Variants in NLGN1 observed in about 807,000 individuals in gnomAD.
The protein encoded by NLGN1 is neuroligin 1.
A neutral mutation model predicts 65.5 loss-of-function variants in NLGN1; 12 were observed. That is an observed-to-expected ratio of 0.18 (90% CI 0.12 to 0.30). The LOEUF (loss-of-function observed/expected upper bound fraction) is 0.30, where lower values mean the gene tolerates loss of function less well. Ranked by LOEUF, NLGN1 falls within the 10% of genes least tolerant of loss-of-function variation. The pLI is 1.00. For missense variants in NLGN1, 750 were observed against 1,007.1 expected (o/e 0.74, Z 3.46); for synonymous variants, 350 against 359.5 (o/e 0.97, Z 0.30).
chr3:173,544,655 A>G (rs979556764), intron 2 of NLGN1, among the ~76,000 whole-genome samples: 1 of 152,206 alleles, frequency 6.6e-6, no homozygotes, highest in Admixed American at 6.5e-5. Context: ...AAAGACCATT[A>G]TAAGAAAGAC....
intron 4 of NLGN1, among the ~76,000 whole-genome samples, chr3:173,882,518 G>A (rs1269369535): frequency 6.6e-6 from 1 of 152,190 alleles, no homozygotes; most frequent in African/African-American, 2.4e-5. Flanking sequence ...TACAGCATCT[G>A]CACCAGCATT....
chr3:173,610,616 A>G (rs113122243), intron 3 of NLGN1, among the ~76,000 whole-genome samples: 39 of 152,130 alleles, frequency 2.6e-4, no homozygotes, highest in African/African-American at 1.2e-4. Flanking sequence ...AAGGACAGCA[A>G]TGGAAACTGA....
chr3:174,270,125 CTTTTT>C (rs10547985), intron 4 of NLGN1, among the ~76,000 whole-genome samples: 5 of 120,082 alleles, frequency 4.2e-5, no homozygotes, highest in Non-Finnish European at 7.0e-5. Flanking sequence ...GGTTTCCTTT[CTTTTT>C]TTTTTTTTTT....
At chr3:173,527,501 C>A (rs531526) in intron 2 of NLGN1, among the ~76,000 whole-genome samples, 15,403 of 152,110 alleles carry the variant, frequency 0.1, 942 homozygotes, top group Admixed American at 0.17. Flanking sequence ...GGGTTCACAC[C>A]ATTCTCCTGC....
At chr3:174,054,684 A>G (rs1580027329) in intron 4 of NLGN1, among the ~76,000 whole-genome samples, 1 of 152,066 alleles carries the variant, frequency 6.6e-6, no homozygotes, top group African/African-American at 2.4e-5. Flanking sequence ...CTCATTTCAC[A>G]TGACAATACA....
At chr3:173,672,611 A>T (rs933688300) in intron 3 of NLGN1, among the ~76,000 whole-genome samples, 1 of 152,216 alleles carries the variant, frequency 6.6e-6, no homozygotes, top group African/African-American at 2.4e-5. Flanking sequence ...TGGGAGAGCC[A>T]TGTAGATTGC....
chr3:173,598,204 T>C (rs1316176146), intron 2 of NLGN1, among the ~76,000 whole-genome samples: 2 of 152,130 alleles, frequency 1.3e-5, no homozygotes, highest in Admixed American at 6.6e-5. Flanking sequence ...TCACTGCACA[T>C]TGAAAATGAA....
chr3:174,248,398 A>G (rs1744174517), intron 4 of NLGN1, among the ~76,000 whole-genome samples: 1 of 152,238 alleles, frequency 6.6e-6, no homozygotes, highest in Non-Finnish European at 1.5e-5. Context: ...CCAATTCAGC[A>G]TTTATTGAGC....
At chr3:173,544,201 A>G (rs1739365359) in intron 2 of NLGN1, among the ~76,000 whole-genome samples, 1 of 152,068 alleles carries the variant, frequency 6.6e-6, no homozygotes, top group African/African-American at 2.4e-5. Flanking sequence ...CAAAAAGAAA[A>G]AGAAAAAAAA....
In NLGN1 at chr3:173,773,529, T is replaced by C. The variant is rs9834222; in HGVS notation, c.494-34151T>C. Among the ~76,000 whole-genome samples, 1,284 of 152,300 alleles carry C rather than the reference T, an allele frequency of 8.4e-3. 21 individuals carry two copies. Among genetic ancestry groups the C allele is most frequent in the African/African-American group, 0.029 (1,221 of 41,562 alleles). Reference sequence around the variant, plus strand: ...GTATAGTGCCATTATTGATTTTAACTTACCTGTTTGTAATATGTTATCATT... The same window carrying C: ...GTATAGTGCCATTATTGATTTTAACCTACCTGTTTGTAATATGTTATCATT... On this transcript the variant is annotated intron_variant, in intron 3 of 6. Transcript: ENST00000457714.
At chr3:174,216,713 G>A (rs1737685420) in intron 4 of NLGN1, among the ~76,000 whole-genome samples, 2 of 152,064 alleles carry the variant, frequency 1.3e-5, no homozygotes, top group African/African-American at 4.8e-5. Context: ...AAACAGGATA[G>A]TTTAGATGTC....
At chr3:173,828,418 T>C (rs1171847341) in intron 4 of NLGN1, among the ~76,000 whole-genome samples, 1 of 152,046 alleles carries the variant, frequency 6.6e-6, no homozygotes, top group Non-Finnish European at 1.5e-5. Flanking sequence ...GTGGGAGCTG[T>C]CCCAGGATAT....
intron 3 of NLGN1, among the ~76,000 whole-genome samples, chr3:173,661,528 G>C (rs552690502): frequency 6.6e-6 from 1 of 151,986 alleles, no homozygotes; most frequent in African/African-American, 2.4e-5. Context: ...CGAGATTATA[G>C]AGCAGGAATA....
chr3:173,412,179 T>C (rs1712709809), intron 1 of NLGN1, among the ~76,000 whole-genome samples: 1 of 152,210 alleles, frequency 6.6e-6, no homozygotes, highest in Non-Finnish European at 1.5e-5. Context: ...TTAGCAAGTT[T>C]GCATGTTTGA....
intron 3 of NLGN1, among the ~76,000 whole-genome samples, chr3:173,611,754 C>T (rs1024303274): frequency 3.3e-5 from 5 of 152,038 alleles, no homozygotes; most frequent in African/African-American, 1.2e-4. Context: ...TCTCCTGAAG[C>T]AGATGATTAA....
chr3:173,499,086 T>C (rs1730546660), intron 2 of NLGN1, among the ~76,000 whole-genome samples: 1 of 151,180 alleles, frequency 6.6e-6, no homozygotes, highest in African/African-American at 2.4e-5. Context: ...ATTTTGTCTT[T>C]TGTTGCCATT....
At chr3:173,488,080 T>G (rs1728453895) in intron 2 of NLGN1, among the ~76,000 whole-genome samples, 1 of 152,056 alleles carries the variant, frequency 6.6e-6, no homozygotes, top group African/African-American at 2.4e-5. Flanking sequence ...CTACTTTTTA[T>G]GTTGTACATT....
intron 2 of NLGN1, among the ~76,000 whole-genome samples, chr3:173,449,477 T>C (rs1311500059): frequency 6.6e-6 from 1 of 152,248 alleles, no homozygotes; most frequent in African/African-American, 2.4e-5. Flanking sequence ...AGTGCTTTAC[T>C]TCCAACTATG....
intron 5 of NLGN1, among the ~76,000 whole-genome samples, chr3:174,277,245 ATGGAGCTATAAACTT>A (rs1448983117): frequency 1.3e-5 from 2 of 151,904 alleles, no homozygotes; most frequent in Admixed American, 6.6e-5. Context: ...TCTGCCTCCA[ATGGAGCTATAAACTT>A]TAAAGGCAAT....
Sources: allele counts gnomAD v4.1 joint callset (sites outside exome capture counted in the v4.1 genomes callset), GRCh38; gene constraint gnomAD v4.1.1; transcripts MANE v1.5; gene names NCBI Gene and HGNC (gene_info 2026-07-23, HGNC 2026-07-21).